Variants in ARVCF observed in about 807,000 individuals in gnomAD.
The protein encoded by ARVCF is splicing regulator ARVCF.
Under a neutral mutation model 90.9 loss-of-function variants are expected in ARVCF, and 66 were observed. The observed-to-expected ratio is 0.73, with a 90% CI of 0.60 to 0.89. The LOEUF (loss-of-function observed/expected upper bound fraction) is 0.89. Among genes scored for constraint, ARVCF ranks in the 40% least tolerant of loss-of-function variants. The pLI is 0.00. For missense variants in ARVCF, 1,469 were observed against 1,382.3 expected (o/e 1.06, Z -1.00); for synonymous variants, 653 against 603.4 (o/e 1.08, Z -1.21).
downstream of ARVCF, among the ~76,000 whole-genome samples, chr22:19,966,595 T>G (rs1288961367): frequency 1.4e-5 from 2 of 147,612 alleles, no homozygotes; most frequent in African/African-American, 5.3e-5. Context: ...CATGCACCAC[T>G]ACACCTGGCT....
At chr22:19,971,178 A>G (rs1374126503) in intron 19 of ARVCF, 38 bp downstream of exon 19, 1 of 1,551,216 alleles carries the variant, frequency 6.4e-7, no homozygotes, top group Non-Finnish European at 8.7e-7. Context: ...CCCAGAGGGC[A>G]GGAACAGGTG....
rs1437885470 is a variant in ARVCF, at chr22:19,981,495, C to G, written c.612G>C (p.Leu204=). The G allele has an allele frequency of 2.6e-6, 4 of 1,555,984 alleles. No homozygotes were observed. The highest frequency in any genetic ancestry group is 3.5e-6 in the Non-Finnish European group (4 of 1,152,574). The change falls in exon 5 of 20, where the codon CTG becomes CTC. Residue 204 remains leucine (L), a synonymous_variant. Transcript: ENST00000263207. The part of the protein sequence containing the change: ...EPRDSPSYGS[L]SRGLGMRPPR... The stretch of plus-strand genomic sequence containing the variant: ...GGGGCCGCATGCCCAGCCCTCGGGA[C>G]AGGCTGCCATAGCTGGGGCTGTCCC...
At chr22:19,973,357 C>G in intron 13 of ARVCF, 40 bp from the exon 14 acceptor site, 1 of 1,543,684 alleles carries the variant, frequency 6.5e-7, no homozygotes, top group Non-Finnish European at 8.7e-7. Flanking sequence ...ACCTCTGCCC[C>G]ACCTCTCCAG....
intron 3 of ARVCF, among the ~76,000 whole-genome samples, chr22:19,984,643 G>A (rs931912018): frequency 6.6e-6 from 1 of 152,178 alleles, no homozygotes; most frequent in Non-Finnish European, 1.5e-5. Context: ...TACCCAGCCC[G>A]GCACAGGCCG....
chr22:19,971,994 C>T (rs1459446883), intron 17 of ARVCF, 23 bp from the exon 18 acceptor site: 3 of 1,587,880 alleles, frequency 1.9e-6, no homozygotes, highest in African/African-American at 2.7e-5. Context: ...TAAGGTGGGG[C>T]ATGAGGGGCG....
chr22:20,002,173 A>C (rs766712994), intron 2 of ARVCF, among the ~76,000 whole-genome samples: 3 of 152,214 alleles, frequency 2.0e-5, no homozygotes, highest in African/African-American at 4.8e-5. Context: ...TCCAGAAAAG[A>C]AGCCCAGGAA....
intron 2 of ARVCF, among the ~76,000 whole-genome samples, chr22:19,992,506 A>G (rs1944066515): frequency 6.6e-6 from 1 of 152,182 alleles, no homozygotes; most frequent in Non-Finnish European, 1.5e-5. Flanking sequence ...AATGGACTGA[A>G]CCTAGTGCTA....
Position 20,016,652 on chromosome 22 carries a change from C to G in ARVCF, c.-136G>C, listed in dbSNP as rs1341811325. ...GACCCCAGAAGGGCTTCCCCGGGTC[C>G]GTTGGCGCGCGGGGAGCGGCGTTCC... On this transcript the variant is annotated 5_prime_UTR_variant, in exon 1 of 20. Transcript: ENST00000263207. The G allele has an allele frequency of 6.6e-6, 1 of 150,648 alleles. No individual in the cohort carries two copies. The highest frequency in any genetic ancestry group is 1.5e-5 in the Non-Finnish European group (1 of 67,552). 9.3% of individuals were successfully genotyped at this position (150,648 alleles called of 1,614,324 possible). A position where few individuals can be genotyped will look rare whatever the true frequency, so the allele number is the denominator to read the frequency against.
At chr22:19,993,463 C>T (rs943338881) in intron 2 of ARVCF, among the ~76,000 whole-genome samples, 5 of 152,156 alleles carry the variant, frequency 3.3e-5, no homozygotes, top group Admixed American at 6.5e-5. Context: ...GAGTGGGCAC[C>T]GGATTTGCTT....
At chr22:19,999,284 GC>G (rs1471260260) in intron 2 of ARVCF, among the ~76,000 whole-genome samples, 1 of 152,106 alleles carries the variant, frequency 6.6e-6, no homozygotes, top group East Asian at 1.9e-4. Context: ...ACCCACAGCA[GC>G]TTTGCTAACT....
At chr22:19,967,559 C>T (rs984314184), downstream of ARVCF, 111 of 370,172 alleles carry the variant, frequency 3.0e-4, no homozygotes, top group African/African-American at 2.0e-3. Flanking sequence ...AGGCTGGAAA[C>T]GACCGCCACC....
chr22:19,985,115 G>T (rs1943696597), intron 3 of ARVCF, among the ~76,000 whole-genome samples: 1 of 152,110 alleles, frequency 6.6e-6, no homozygotes, highest in East Asian at 1.9e-4. Flanking sequence ...ACCCAACTCT[G>T]GGCTGCTCCC....
At chr22:19,967,857 A>C (rs1942504380), downstream of ARVCF, among the ~76,000 whole-genome samples, 1 of 152,238 alleles carries the variant, frequency 6.6e-6, no homozygotes, top group African/African-American at 2.4e-5. Flanking sequence ...TAGCATAGAT[A>C]GGCAAGCATC....
chr22:19,984,522 G>A (rs1228927079), intron 3 of ARVCF, among the ~76,000 whole-genome samples: 1 of 152,188 alleles, frequency 6.6e-6, no homozygotes, highest in African/African-American at 2.4e-5. Context: ...GCATGAGTCA[G>A]CCAGTGATCA....
intron 3 of ARVCF, among the ~76,000 whole-genome samples, chr22:19,985,516 C>T (rs996987034): frequency 5.3e-5 from 8 of 152,258 alleles, no homozygotes; most frequent in Non-Finnish European, 1.5e-5. Flanking sequence ...TCAGCTTCTT[C>T]ACAAGGAGGT....
intron 2 of ARVCF, among the ~76,000 whole-genome samples, chr22:20,001,936 T>TC (rs773173225): frequency 6.6e-6 from 1 of 152,034 alleles, no homozygotes; most frequent in African/African-American, 2.4e-5. Flanking sequence ...ACTAAGACGG[T>TC]CCTCCCAACC....
At chr22:19,986,824 C>A (rs1943796831) in intron 3 of ARVCF, 1 of 423,654 alleles carries the variant, frequency 2.4e-6, no homozygotes, top group Non-Finnish European at 4.2e-6. Context: ...GGTCCCGACC[C>A]CCCCAGGCCC....
intron 17 of ARVCF, 92 bp downstream of exon 17, chr22:19,972,266 G>C (rs1041331920): frequency 6.5e-7 from 1 of 1,541,222 alleles, no homozygotes. Context: ...CCTCCACCCA[G>C]CACCATCTAC....
At chr22:20,001,476 G>A (rs561605370) in intron 2 of ARVCF, among the ~76,000 whole-genome samples, 13 of 152,268 alleles carry the variant, frequency 8.5e-5, no homozygotes, top group Non-Finnish European at 1.6e-4. Flanking sequence ...GGTTAAAGAC[G>A]GTGTTCAACT....
Sources: allele counts gnomAD v4.1 joint callset (sites outside exome capture counted in the v4.1 genomes callset), GRCh38; gene constraint gnomAD v4.1.1; transcripts MANE v1.5; gene names NCBI Gene and HGNC (gene_info 2026-07-23, HGNC 2026-07-21).